Variants in EXOC4 observed in about 807,000 individuals in gnomAD.
EXOC4 encodes the protein exocyst complex component 4, also known as SEC8-like 1.
Under a neutral mutation model 107.2 loss-of-function variants are expected in EXOC4, and 71 were observed. That is an observed-to-expected ratio of 0.66 (90% CI 0.55 to 0.81). EXOC4 has a LOEUF of 0.81. EXOC4 is among the 30% of genes least tolerant of loss of function. EXOC4 has a pLI of 0.00. For missense variants in EXOC4, 1,108 were observed against 1,189.6 expected (o/e 0.93, Z 1.01); for synonymous variants, 456 against 441.2 (o/e 1.03, Z -0.42).
At chr7:133,405,317 G>T (rs1243635076) in intron 7 of EXOC4, among the ~76,000 whole-genome samples, 1 of 151,916 alleles carries the variant, frequency 6.6e-6, no homozygotes, top group Admixed American at 6.6e-5. Flanking sequence ...GAAAAGATCT[G>T]GAATAATAAT....
intron 7 of EXOC4, among the ~76,000 whole-genome samples, chr7:133,416,919 A>AT (rs1797489369): frequency 6.6e-6 from 1 of 152,144 alleles, no homozygotes; most frequent in Admixed American, 6.6e-5. Flanking sequence ...AATGTGGGAT[A>AT]TTACAGGGAA....
intron 10 of EXOC4, among the ~76,000 whole-genome samples, chr7:133,646,288 C>G (rs2909224): frequency 0.43 from 64,941 of 151,930 alleles, 14,734 homozygotes; most frequent in Admixed American, 0.57. Flanking sequence ...TGGAGCTTCT[C>G]CAAGAAGTAT....
At chr7:133,447,836 TA>T (rs141421595) in intron 7 of EXOC4, among the ~76,000 whole-genome samples, 1 of 152,146 alleles carries the variant, frequency 6.6e-6, no homozygotes, top group Non-Finnish European at 1.5e-5. Context: ...GAAGAGTTAA[TA>T]AAAAAACTAA....
chr7:133,453,074 G>A (rs1410055743), intron 7 of EXOC4, among the ~76,000 whole-genome samples: 1 of 152,080 alleles, frequency 6.6e-6, no homozygotes, highest in Admixed American at 6.6e-5. Flanking sequence ...ATATGAACGA[G>A]GCATTAAAAG....
At chr7:133,296,832 C>T (rs952437629) in intron 3 of EXOC4, among the ~76,000 whole-genome samples, 8 of 152,088 alleles carry the variant, frequency 5.3e-5, no homozygotes, top group Non-Finnish European at 1.2e-4. Context: ...CAGTGATTCC[C>T]ACACTGCACA....
At chr7:133,571,322 G>C (rs537060403) in intron 9 of EXOC4, among the ~76,000 whole-genome samples, 21 of 152,228 alleles carry the variant, frequency 1.4e-4, no homozygotes, top group Admixed American at 4.6e-4. Context: ...ATGAAGAAAC[G>C]TGTCTTCACC....
intron 7 of EXOC4, among the ~76,000 whole-genome samples, chr7:133,389,895 CAAA>C (rs34692720): frequency 7.7e-6 from 1 of 129,614 alleles, no homozygotes. Context: ...GGCAGCAGGC[CAAA>C]AAAAAAAAAA....
chr7:133,609,208 A>G (rs1387790286), intron 9 of EXOC4, among the ~76,000 whole-genome samples: 1 of 152,184 alleles, frequency 6.6e-6, no homozygotes, highest in Non-Finnish European at 1.5e-5. Flanking sequence ...GATTTAAAGG[A>G]GGTAATAAAA....
At chr7:133,322,928 C>G (rs10258749) in intron 5 of EXOC4, among the ~76,000 whole-genome samples, 13 of 152,262 alleles carry the variant, frequency 8.5e-5, no homozygotes, top group African/African-American at 2.6e-4. Flanking sequence ...AGAGGTCCTT[C>G]ACATCCTTTG....
At chr7:134,088,260 C>T in the EXOC4 span, among the ~76,000 whole-genome samples, 1 of 152,292 alleles carries the variant, frequency 6.6e-6, no homozygotes, top group South Asian at 2.1e-4. Context: ...ACCAGTTTTT[C>T]CAATTATGTC....
At chr7:134,032,637 G>A (rs929316255) in intron 17 of EXOC4, among the ~76,000 whole-genome samples, 1 of 152,124 alleles carries the variant, frequency 6.6e-6, no homozygotes, top group Non-Finnish European at 1.5e-5. Context: ...GAAGCAGCTG[G>A]GCCTCTCAGA....
chr7:133,796,719 C>T (rs1796823994), intron 10 of EXOC4, among the ~76,000 whole-genome samples: 1 of 152,194 alleles, frequency 6.6e-6, no homozygotes. Flanking sequence ...GATCGCGCCA[C>T]TGCATTCCAG....
chr7:133,879,240 A>G (rs1338220622), intron 11 of EXOC4, among the ~76,000 whole-genome samples: 2 of 151,936 alleles, frequency 1.3e-5, no homozygotes, highest in African/African-American at 4.8e-5. Context: ...GGTTACAGGT[A>G]CACACAACCA....
intron 10 of EXOC4, among the ~76,000 whole-genome samples, chr7:133,702,312 C>T (rs1225349249): frequency 7.3e-5 from 11 of 151,144 alleles, no homozygotes; most frequent in Non-Finnish European, 1.0e-4. Flanking sequence ...TCGCCACCAA[C>T]GATGCTGGTT....
At chr7:133,768,666 A>G (rs939176273) in intron 10 of EXOC4, among the ~76,000 whole-genome samples, 1 of 151,998 alleles carries the variant, frequency 6.6e-6, no homozygotes, top group South Asian at 2.1e-4. Context: ...TATTAGCCAC[A>G]CTTTAATGAA....
chr7:133,899,293 G>A (rs568936028), intron 12 of EXOC4, among the ~76,000 whole-genome samples: 19 of 152,116 alleles, frequency 1.2e-4, no homozygotes, highest in Non-Finnish European at 2.8e-4. Context: ...TATTGATGTT[G>A]TTGTCTTGAA....
At chr7:133,306,337 T>A (rs1794754105) in intron 4 of EXOC4, among the ~76,000 whole-genome samples, 1 of 152,148 alleles carries the variant, frequency 6.6e-6, no homozygotes, top group African/African-American at 2.4e-5. Context: ...ATCAGAGACA[T>A]TGGTACATCT....
intron 9 of EXOC4, among the ~76,000 whole-genome samples, chr7:133,595,432 C>G (rs1801645473): frequency 6.6e-6 from 1 of 152,186 alleles, no homozygotes; most frequent in East Asian, 1.9e-4. Flanking sequence ...ACTTTTCCCA[C>G]AAATGTCTAT....
At chr7:134,031,043 A>G (rs1473752058) in intron 17 of EXOC4, among the ~76,000 whole-genome samples, 1 of 152,184 alleles carries the variant, frequency 6.6e-6, no homozygotes, top group East Asian at 1.9e-4. Flanking sequence ...AATTTCATTC[A>G]TATGAAGGAC....
Sources: allele counts gnomAD v4.1 joint callset (sites outside exome capture counted in the v4.1 genomes callset), GRCh38; gene constraint gnomAD v4.1.1; transcripts MANE v1.5; gene names NCBI Gene and HGNC (gene_info 2026-07-23, HGNC 2026-07-21).